Variants in KALRN observed in about 807,000 individuals in gnomAD.
KALRN encodes the protein kalirin.
KALRN carries 70 observed loss-of-function variants against 353.7 expected under a neutral mutation model. The ratio of observed to expected loss-of-function variants is 0.20; its 90% CI spans 0.16 to 0.24. The LOEUF (loss-of-function observed/expected upper bound fraction) is 0.24, where lower values mean the gene tolerates loss of function less well. Ranked by LOEUF, KALRN falls within the 10% of genes least tolerant of loss-of-function variation. The pLI is 1.00. For missense variants in KALRN, 2,791 were observed against 3,756.7 expected (o/e 0.74, Z 6.72); for synonymous variants, 1,391 against 1,434.8 (o/e 0.97, Z 0.69).
chr3:124,234,979 A>C, intron 3 of KALRN, 36 bp downstream of exon 3: 1 of 1,495,050 alleles, frequency 6.7e-7, no homozygotes, highest in Non-Finnish European at 9.2e-7. Flanking sequence ...GGGGAGCGGG[A>C]GGGGAGCTGG....
chr3:124,350,810 T>C (rs2082758218), intron 10 of KALRN, among the ~76,000 whole-genome samples: 1 of 152,194 alleles, frequency 6.6e-6, no homozygotes, highest in African/African-American at 2.4e-5. Flanking sequence ...TTAGGAGGAA[T>C]GTTTGCTCTG....
intron 51 of KALRN, among the ~76,000 whole-genome samples, chr3:124,679,953 C>A (rs534868715): frequency 6.6e-6 from 1 of 152,322 alleles, no homozygotes; most frequent in East Asian, 1.9e-4. Flanking sequence ...TTCTTTAGCC[C>A]TTTATCCTCT....
At chr3:124,605,384 C>G (rs1349706813) in intron 34 of KALRN, among the ~76,000 whole-genome samples, 2 of 151,588 alleles carry the variant, frequency 1.3e-5, no homozygotes, top group Non-Finnish European at 2.9e-5. Flanking sequence ...ACCAGCCTGG[C>G]CAACATGGTG....
At chr3:124,669,724 C>T (rs1053530347) in intron 47 of KALRN, among the ~76,000 whole-genome samples, 2 of 152,142 alleles carry the variant, frequency 1.3e-5, no homozygotes, top group African/African-American at 4.8e-5. Context: ...CAAGACCTCC[C>T]GAGGATACCA....
chr3:124,250,063 G>A lies in KALRN; in HGVS notation c.264-14435G>A, dbSNP rs79358739. Reference sequence around the variant, plus strand: ...GTAAAACCCAGTGGGCATGGCCTGGGGGGGGTGGCTTTGTGTGGCGTGTTG... The same window carrying A: ...GTAAAACCCAGTGGGCATGGCCTGGAGGGGGTGGCTTTGTGTGGCGTGTTG... On this transcript the variant is annotated intron_variant, in intron 3 of 59. Coordinates refer to ENST00000682506, the MANE Select transcript of KALRN (RefSeq NM_001388419.1). Among the ~76,000 whole-genome samples the A allele has an allele frequency of 4.2e-3, 642 of 152,272 alleles. 3 individuals carry two copies. Among genetic ancestry groups the A allele is most frequent in the South Asian group, 7.1e-3 (34 of 4,820 alleles).
chr3:124,080,118 C>G (rs2060465434), intron 1 of KALRN: 1 of 469,504 alleles, frequency 2.1e-6, no homozygotes, highest in African/African-American at 2.0e-5. Context: ...TACTTGCAGG[C>G]TGTCTGAACA....
intron 7 of KALRN, 64 bp downstream of exon 7, chr3:124,326,235 G>T: frequency 7.0e-7 from 1 of 1,420,932 alleles, no homozygotes; most frequent in Non-Finnish European, 9.7e-7. Context: ...GCAGGGGAGG[G>T]CTGGATGGGA....
At chr3:124,504,182 TA>T (rs1317821959) in intron 33 of KALRN, among the ~76,000 whole-genome samples, 1 of 152,116 alleles carries the variant, frequency 6.6e-6, no homozygotes, top group African/African-American at 2.4e-5. Context: ...CTATAGGTGA[TA>T]GCTGCAAGGG....
intron 10 of KALRN, among the ~76,000 whole-genome samples, chr3:124,349,167 A>G (rs1419296824): frequency 6.6e-6 from 1 of 152,244 alleles, no homozygotes; most frequent in Non-Finnish European, 1.5e-5. Context: ...GAATTCTAAC[A>G]TACGCTACAA....
In KALRN at chr3:124,385,019, C is replaced by A; in HGVS notation, c.1945C>A (p.His649Asn). The change falls in exon 11 of 60, where the codon CAC becomes AAC. Residue 649 changes from histidine to asparagine, a missense_variant. His to Asn is a moderately conservative substitution (Grantham distance 68). Coordinates refer to ENST00000682506, the MANE Select transcript of KALRN (RefSeq NM_001388419.1). ...TCTCCTGGACATGTCTGTTTCCTTCCACACACACACCAAAGAGGTAAGGGG... is the reference window on the plus strand; with the variant it reads ...TCTCCTGGACATGTCTGTTTCCTTCAACACACACACCAAAGAGGTAAGGGG... Reference protein sequence around the residue: ...KLLLDMSVSFHTHTKELWTWM... With the variant: ...KLLLDMSVSFNTHTKELWTWM... 6.2e-7 allele frequency: 1 copy of A among 1,602,622 alleles called. No homozygotes were observed. Among genetic ancestry groups the A allele is most frequent in the Non-Finnish European group, 8.5e-7 (1 of 1,173,160 alleles).
chr3:124,704,893 T>C (rs937793117), intron 57 of KALRN, among the ~76,000 whole-genome samples: 1 of 152,310 alleles, frequency 6.6e-6, no homozygotes, highest in Non-Finnish European at 1.5e-5. Context: ...AGGAAAGATA[T>C]CTGTGCCAGG....
At chr3:124,365,422 G>A (rs947689439) in intron 10 of KALRN, among the ~76,000 whole-genome samples, 5 of 152,072 alleles carry the variant, frequency 3.3e-5, no homozygotes, top group Non-Finnish European at 7.4e-5. Context: ...TGCATTCCAC[G>A]GGGCCTAATC....
At chr3:124,283,603 G>A (rs2075555584) in intron 5 of KALRN, among the ~76,000 whole-genome samples, 1 of 152,104 alleles carries the variant, frequency 6.6e-6, no homozygotes, top group Non-Finnish European at 1.5e-5. Flanking sequence ...TGTTGCCAGT[G>A]CTGCAGGGAA....
chr3:124,658,600 C>A, intron 42 of KALRN, 83 bp downstream of exon 42: 1 of 1,018,318 alleles, frequency 9.8e-7, no homozygotes, highest in Non-Finnish European at 1.6e-6. Flanking sequence ...CAGACGTCAT[C>A]CATCCATATG....
At position 124,532,691 on chromosome 3, in the gene KALRN, C is replaced by T. The variant is rs544905653; in HGVS notation, c.4936-30152C>T. Among the ~76,000 whole-genome samples, 5 of 152,190 alleles carry T rather than the reference C, an allele frequency of 3.3e-5. No individual in the cohort carries two copies. The South Asian group carries it at 1.0e-3, about 32-fold the overall frequency. On this transcript the variant is annotated intron_variant, in intron 33 of 59. Coordinates refer to ENST00000682506, the MANE Select transcript of KALRN (RefSeq NM_001388419.1). Reference sequence around the variant, plus strand: ...GCAGGGTCGCACACATCTGTAGTCCCAGCTACTCAGGAGGCTGAGGCAGGA... The same window carrying T: ...GCAGGGTCGCACACATCTGTAGTCCTAGCTACTCAGGAGGCTGAGGCAGGA...
chr3:124,711,792 G>A (rs2062899751), intron 57 of KALRN, among the ~76,000 whole-genome samples: 1 of 152,004 alleles, frequency 6.6e-6, no homozygotes, highest in Admixed American at 6.6e-5. Context: ...ATTCCAGGGT[G>A]GAAAAAAGCA....
intron 3 of KALRN, among the ~76,000 whole-genome samples, chr3:124,257,629 T>C (rs1272785795): frequency 6.6e-6 from 1 of 152,144 alleles, no homozygotes; most frequent in African/African-American, 2.4e-5. Context: ...TTTGAAGGGA[T>C]TGTAATTTAT....
chr3:124,700,106 G>C (rs2062245727), intron 56 of KALRN, 73 bp downstream of exon 56: 1 of 1,475,128 alleles, frequency 6.8e-7, no homozygotes, highest in Non-Finnish European at 9.4e-7. Flanking sequence ...CAGACTCCTG[G>C]GCACGTTGAC....
At chr3:124,526,527 A>G (rs991000432) in intron 33 of KALRN, among the ~76,000 whole-genome samples, 6 of 152,134 alleles carry the variant, frequency 3.9e-5, no homozygotes, top group African/African-American at 7.2e-5. Context: ...GTGAGCCAAG[A>G]TCACACCACT....
Sources: allele counts gnomAD v4.1 joint callset (sites outside exome capture counted in the v4.1 genomes callset), GRCh38; gene constraint gnomAD v4.1.1; transcripts MANE v1.5; gene names NCBI Gene and HGNC (gene_info 2026-07-23, HGNC 2026-07-21).